CDKN3: variants seen among roughly 807,000 people sequenced by gnomAD.
CDKN3 encodes the protein cyclin dependent kinase inhibitor 3, also known as cyclin-dependent kinase inhibitor 3.
A neutral mutation model predicts 36.1 loss-of-function variants in CDKN3; 19 were observed. That is an observed-to-expected ratio of 0.53 (90% CI 0.37 to 0.77). The LOEUF (loss-of-function observed/expected upper bound fraction) is 0.77, where lower values mean the gene tolerates loss of function less well. Among genes scored for constraint, CDKN3 ranks in the 30% least tolerant of loss-of-function variants. The pLI is 0.00. For synonymous variants in CDKN3, 71 were observed against 85.3 expected, an observed-to-expected ratio of 0.83 and a Z score of 0.92; for missense variants, 188 against 248.6, an observed-to-expected ratio of 0.76 and a Z score of 1.64.
At chr14:54,398,107 G>C (rs1220415063) in intron 1 of CDKN3, among the ~76,000 whole-genome samples, 1 of 152,140 alleles carries the variant, frequency 6.6e-6, no homozygotes, top group Non-Finnish European at 1.5e-5. Context: ...CTCCAGCCTG[G>C]GCGACAGAGC....
chr14:54,397,259 C>T (rs1886333448), intron 1 of CDKN3, among the ~76,000 whole-genome samples, 182 bp downstream of exon 1: 1 of 152,260 alleles, frequency 6.6e-6, no homozygotes, highest in Admixed American at 6.5e-5. Context: ...GACGAAGGAG[C>T]AGGGTCGGTG....
intron 7 of CDKN3, 122 bp from the exon 8 acceptor site, chr14:54,419,870 C>G (rs190846566): frequency 3.5e-6 from 2 of 569,390 alleles, no homozygotes; most frequent in East Asian, 2.9e-5. Context: ...CTTCCTTACC[C>G]AAAAAGATGT....
At chr14:54,403,188 A>G (rs939766958) in intron 3 of CDKN3, among the ~76,000 whole-genome samples, 2 of 152,126 alleles carry the variant, frequency 1.3e-5, no homozygotes, top group African/African-American at 4.8e-5. Flanking sequence ...ATGAGCATGG[A>G]ATGTTTTTCC....
chr14:54,403,961 G>A (rs1050295164), intron 3 of CDKN3, among the ~76,000 whole-genome samples: 8 of 152,118 alleles, frequency 5.3e-5, no homozygotes, highest in African/African-American at 9.7e-5. Context: ...GAGGATTTTC[G>A]CATCGATGTT....
At position 54,403,080 on chromosome 14, in the gene CDKN3, T is replaced by G. The variant is rs142491501; in HGVS notation, c.148+1501T>G. ...AATTTAAAGTAGTTTTTTCTAATTC[T>G]GTGAAGAAAGTCAATGGTAGCTTGA... On this transcript the variant is annotated intron_variant, in intron 3 of 7. Coordinates refer to ENST00000335183, the MANE Select transcript of CDKN3 (RefSeq NM_005192.4). Among the ~76,000 whole-genome samples the G allele has an allele frequency of 5.1e-3, 779 of 152,352 alleles. 4 individuals carry two copies. The highest frequency in any genetic ancestry group is 0.018 in the African/African-American group (733 of 41,594).
In CDKN3 at chr14:54,401,513, C is replaced by A; in HGVS notation, c.93-11C>A. 1 of 1,601,026 alleles carries A rather than the reference C, an allele frequency of 6.2e-7. No homozygotes were observed. The highest frequency in any genetic ancestry group is 8.5e-7 in the Non-Finnish European group (1 of 1,172,500). ...ACTTAACTAAACATGAAAAATTTTT[C>A]TTCTTTTCAGGCTATCTTTGTCACG... On this transcript the variant is annotated splice_polypyrimidine_tract_variant and intron_variant, in intron 2 of 7. Coordinates refer to ENST00000335183, the MANE Select transcript of CDKN3 (RefSeq NM_005192.4).
At chr14:54,400,246 C>CT (rs5808774) in intron 2 of CDKN3, among the ~76,000 whole-genome samples, 55,381 of 114,280 alleles carry the variant, frequency 0.48, 12,112 homozygotes, top group Non-Finnish European at 0.55. Flanking sequence ...TTATAAGACC[C>CT]TTTTTTTTTT....
At chr14:54,419,535 T>A (rs996632088) in intron 7 of CDKN3, among the ~76,000 whole-genome samples, 1 of 152,218 alleles carries the variant, frequency 6.6e-6, no homozygotes, top group African/African-American at 2.4e-5. Flanking sequence ...ATGAAAATTA[T>A]CCCTAGTGCA....
intron 4 of CDKN3, chr14:54,411,199 A>C: frequency 2.9e-5 from 7 of 242,128 alleles, no homozygotes; most frequent in African/African-American, 4.9e-5. Context: ...AAAAAAAAAG[A>C]GGGGGGGTTA....
At chr14:54,409,571 A>G (rs1480595132) in intron 4 of CDKN3, among the ~76,000 whole-genome samples, 1 of 152,110 alleles carries the variant, frequency 6.6e-6, no homozygotes, top group East Asian at 1.9e-4. Flanking sequence ...AGTGGTTCAC[A>G]CCTGTAATCC....
chr14:54,402,709 C>T (rs2030002428), intron 3 of CDKN3, among the ~76,000 whole-genome samples: 1 of 152,082 alleles, frequency 6.6e-6, no homozygotes, highest in Non-Finnish European at 1.5e-5. Context: ...TTTAATCCAT[C>T]CTAAGTTAAT....
At position 54,413,613 on chromosome 14, in the gene CDKN3, G is replaced by T. The variant is rs566589461; in HGVS notation, c.416+1907G>T. 6 of 1,534,490 alleles carry T rather than the reference G, an allele frequency of 3.9e-6. No individual in the cohort carries two copies. The East Asian group carries it at 1.5e-4, about 38-fold the overall frequency. ...CATTTTTCATTGTCCTAGAGCTTTC[G>T]AAGGTGTCCTACGGTGACTAGTTTA... On this transcript the variant is annotated intron_variant, in intron 5 of 7. Coordinates refer to ENST00000335183, the MANE Select transcript of CDKN3 (RefSeq NM_005192.4).
chr14:54,414,585 AC>A (rs1462704389), intron 5 of CDKN3, among the ~76,000 whole-genome samples: 2 of 150,140 alleles, frequency 1.3e-5, no homozygotes, highest in East Asian at 3.9e-4. Flanking sequence ...CTTCTCTGTC[AC>A]CCAGGCTGGA....
chr14:54,402,237 T>C (rs1232595824), intron 3 of CDKN3, among the ~76,000 whole-genome samples: 2 of 151,712 alleles, frequency 1.3e-5, no homozygotes, highest in African/African-American at 4.8e-5. Flanking sequence ...TAGTCTCCAG[T>C]TCCACCCGGG....
chr14:54,411,496 G>C lies in CDKN3; in HGVS notation c.206G>C (p.Ser69Thr). Residue 69 changes from serine to threonine, a missense_variant, in exon 5 of 8, where the codon AGC (serine) becomes ACC (threonine). Physicochemically the swap from Ser to Thr is moderately conservative, Grantham distance 58 (BLOSUM62 1). Coordinates refer to ENST00000335183, the MANE Select transcript of CDKN3 (RefSeq NM_005192.4). ...NVQKDTEELK[S>T]CGIQDIFVFC... ...GGTCTATTGGCAGAAGAACTAAAGA[G>C]CTGTGGTATACAAGACATATTTGTT... The C allele has an allele frequency of 5.6e-6, 9 of 1,613,236 alleles. No homozygotes were observed. Among genetic ancestry groups the C allele is most frequent in the Non-Finnish European group, 6.8e-6 (8 of 1,179,836 alleles).
intron 1 of CDKN3, among the ~76,000 whole-genome samples, chr14:54,398,682 C>T (rs1032623781): frequency 1.3e-5 from 2 of 152,048 alleles, no homozygotes; most frequent in African/African-American, 4.8e-5. Context: ...TCTTTTGATT[C>T]CTTAAAATTT....
At chr14:54,412,332 C>G (rs1357960878) in intron 5 of CDKN3, among the ~76,000 whole-genome samples, 1 of 151,562 alleles carries the variant, frequency 6.6e-6, no homozygotes, top group Non-Finnish European at 1.5e-5. Context: ...TTGCAGTGAG[C>G]CAAGGTGACA....
chr14:54,403,239 G>T (rs1401772028), intron 3 of CDKN3, among the ~76,000 whole-genome samples: 1 of 152,130 alleles, frequency 6.6e-6, no homozygotes, highest in Non-Finnish European at 1.5e-5. Context: ...GCAGTGGTTT[G>T]TAGTTCTCCT....
chr14:54,406,019 G>A (rs1422573790), intron 3 of CDKN3, among the ~76,000 whole-genome samples: 2 of 152,212 alleles, frequency 1.3e-5, no homozygotes, highest in Non-Finnish European at 2.9e-5. Context: ...AGGAGCTCTT[G>A]TAAGGCAGGC....
Sources: gnomAD v4.1 joint callset for allele counts (sites outside exome capture counted in the v4.1 genomes callset) on GRCh38, gnomAD v4.1.1 for gene constraint, MANE v1.5 for transcripts, NCBI Gene and HGNC (gene_info 2026-07-23, HGNC 2026-07-21) for gene names.